Variants in NRP2 observed in about 807,000 individuals in gnomAD.
NRP2 encodes neuropilin 2.
Under a neutral mutation model 110.4 loss-of-function variants are expected in NRP2, and 52 were observed. The observed-to-expected ratio is 0.47, with a 90% CI of 0.38 to 0.59. NRP2 has a LOEUF of 0.59. Ranked by LOEUF, NRP2 falls within the 20% of genes least tolerant of loss-of-function variation. NRP2 has a pLI of 0.00. For synonymous variants in NRP2, 508 were observed against 468.9 expected (o/e 1.08, Z -1.08); for missense variants, 1,049 against 1,203.0 (o/e 0.87, Z 1.89).
chr2:205,684,485 C>T (rs975600635), intron 1 of NRP2, among the ~76,000 whole-genome samples: 3 of 152,218 alleles, frequency 2.0e-5, no homozygotes, highest in African/African-American at 7.2e-5. Context: ...AACTCTGCAG[C>T]CTCCTTGGCA....
At chr2:205,690,781 AAAAATAAAAT>A (rs969350217) in intron 1 of NRP2, among the ~76,000 whole-genome samples, 2 of 152,124 alleles carry the variant, frequency 1.3e-5, no homozygotes, top group African/African-American at 4.8e-5. Context: ...CTCTGTCTCA[AAAAATAAAAT>A]AAAATAAAAT....
chr2:205,738,375 C>T (rs895100253), intron 7 of NRP2, among the ~76,000 whole-genome samples: 10 of 152,180 alleles, frequency 6.6e-5, no homozygotes, highest in African/African-American at 1.9e-4. Flanking sequence ...TTTGCTTCTT[C>T]CTTTCCAAAA....
intron 15 of NRP2, chr2:205,779,273 ATAT>A (rs1165827247): frequency 5.9e-5 from 9 of 152,240 alleles, no homozygotes; most frequent in African/African-American, 2.2e-4. Context: ...CCCTTCCATG[ATAT>A]TATGCTAGCA....
At chr2:205,726,115 G>A (rs1575591987) in intron 6 of NRP2, 33 bp downstream of exon 6, 2 of 1,611,346 alleles carry the variant, frequency 1.2e-6, no homozygotes, top group Admixed American at 1.7e-5. Context: ...ATGTGAGAGT[G>A]TGTATGTATT....
At position 205,702,176 on chromosome 2, in the gene NRP2, C is replaced by G. The variant is rs555287696; in HGVS notation, c.251+4455C>G. ...TTGGGACTATTTTCTATCAATCCTC[C>G]TGCTTTCACACATCCTGTTACGAGT... On this transcript the variant is annotated intron_variant, in intron 2 of 16. Coordinates refer to ENST00000357785, the MANE Select transcript of NRP2 (RefSeq NM_003872.3). 3.3e-5 allele frequency among the ~76,000 whole-genome samples: 5 copies of G among 152,264 alleles called. No individual in the cohort carries two copies. The South Asian group carries it at 1.0e-3, about 32-fold the overall frequency.
At chr2:205,732,873 C>CT (rs1030895717) in intron 7 of NRP2, among the ~76,000 whole-genome samples, 5 of 151,502 alleles carry the variant, frequency 3.3e-5, no homozygotes, top group East Asian at 1.9e-4. Flanking sequence ...CAGGAAAAAC[C>CT]TTTTTTTTAA....
rs763043873 is a variant in NRP2 at position 205,796,730 on chromosome 2, G to C, written c.*1672G>C. On this transcript the variant is annotated 3_prime_UTR_variant, in exon 17 of 17. Transcript: ENST00000357785. ...TAGAATGAAACTGTGTGAAGGATAA[G>C]ATTGTTCGCATCAAGATCCAAATCT... 3 of 152,622 alleles carry C rather than the reference G, an allele frequency of 2.0e-5. No individual in the cohort carries two copies. The highest frequency in any genetic ancestry group is 4.4e-5 in the Non-Finnish European group (3 of 68,028). 9.5% of individuals were successfully genotyped at this position (152,622 alleles called of 1,614,324 possible).
At chr2:205,724,654 CT>C (rs35094496) in intron 5 of NRP2, among the ~76,000 whole-genome samples, 953 of 80,308 alleles carry the variant, frequency 0.012, 3 homozygotes, top group Admixed American at 0.03. Context: ...CAAACGATAA[CT>C]TTTTTTTTTT....
intron 15 of NRP2, among the ~76,000 whole-genome samples, chr2:205,781,100 G>A (rs543808867): frequency 1.8e-4 from 28 of 152,294 alleles, no homozygotes; most frequent in Non-Finnish European, 3.1e-4. Flanking sequence ...CAAACTTGCC[G>A]GACTGAACTA....
In NRP2 at chr2:205,690,579, TACACACACACACACACACAC is replaced by T. The variant is rs10591632; in HGVS notation, c.74-6933_74-6914del. ...AGCAAGACCCCATCCCTGCTAAAAA[TACACACACACACACACACAC>T]ACACACACACACACACACACACACA... On this transcript the variant is annotated intron_variant, in intron 1 of 16. Coordinates refer to ENST00000357785, the MANE Select transcript of NRP2 (RefSeq NM_003872.3). 3.2e-3 allele frequency among the ~76,000 whole-genome samples: 393 copies of T among 124,276 alleles called. 2 individuals are homozygous for T. Among genetic ancestry groups the T allele is most frequent in the African/African-American group, 0.011 (351 of 32,454 alleles). 81.5% of individuals were successfully genotyped at this position (124,276 alleles called of 152,430 possible).
chr2:205,735,845 A>G (rs2057332750), intron 7 of NRP2, among the ~76,000 whole-genome samples: 1 of 152,206 alleles, frequency 6.6e-6, no homozygotes, highest in Non-Finnish European at 1.5e-5. Context: ...TGTGCCCTGA[A>G]TCGCTTTTTA....
chr2:205,693,889 C>T (rs897953194), intron 1 of NRP2, among the ~76,000 whole-genome samples: 2 of 152,248 alleles, frequency 1.3e-5, no homozygotes. Context: ...TTATCTGCTA[C>T]AGTCAGGCTT....
intron 2 of NRP2, among the ~76,000 whole-genome samples, chr2:205,706,058 C>T (rs1187376596): frequency 6.6e-6 from 1 of 152,026 alleles, no homozygotes; most frequent in Non-Finnish European, 1.5e-5. Context: ...CTACCTCCTA[C>T]TCCCCCAATC....
intron 1 of NRP2, among the ~76,000 whole-genome samples, chr2:205,690,807 G>A (rs1000463891): frequency 6.6e-6 from 1 of 151,758 alleles, no homozygotes; most frequent in African/African-American, 2.4e-5. Flanking sequence ...AAAATAAAAT[G>A]TGAATGTGCT....
Position 205,697,721 on chromosome 2 carries a change from A to G in NRP2, c.251A>G (p.Lys84Arg). 1 of 1,613,962 alleles carries G rather than the reference A, an allele frequency of 6.2e-7. No homozygotes were observed. Residue 84 changes from lysine (K) to arginine (R), a missense_variant and splice_region_variant, in exon 2 of 17, where the codon AAG becomes AGG. Transcript: ENST00000357785. Reference protein sequence around the residue: ...PHFEIEKHDCKYDFIEIRDGD... With the variant: ...PHFEIEKHDCRYDFIEIRDGD... ...TTTGAAATCGAGAAGCACGACTGCAAGTAAGCACCGTCCTGTCCCACTGTG... is the reference window on the plus strand; with the variant it reads ...TTTGAAATCGAGAAGCACGACTGCAGGTAAGCACCGTCCTGTCCCACTGTG...
At chr2:205,776,334 CG>C in intron 15 of NRP2, 3 of 1,612,960 alleles carry the variant, frequency 1.9e-6, no homozygotes. Context: ...TAATGGCCGC[CG>C]GGGGCGCCGT....
chr2:205,743,084 A>G, intron 8 of NRP2, 119 bp from the exon 9 acceptor site: 1 of 1,584,556 alleles, frequency 6.3e-7, no homozygotes, highest in Non-Finnish European at 8.5e-7. Context: ...ATGCAAAGAA[A>G]TTAGTGCTGA....
intron 7 of NRP2, among the ~76,000 whole-genome samples, chr2:205,738,721 G>A (rs541203544): frequency 2.6e-5 from 4 of 152,236 alleles, no homozygotes; most frequent in African/African-American, 4.8e-5. Context: ...GTTCTTTCCC[G>A]GTGCTCCCTG....
intron 2 of NRP2, among the ~76,000 whole-genome samples, chr2:205,704,731 T>C (rs80120174): frequency 0.011 from 1,724 of 152,380 alleles, 15 homozygotes; most frequent in Non-Finnish European, 0.018. Context: ...AATGCAAGCT[T>C]CGCTGTAGAT....
Sources: allele counts gnomAD v4.1 joint callset (sites outside exome capture counted in the v4.1 genomes callset), GRCh38; gene constraint gnomAD v4.1.1; transcripts MANE v1.5; gene names NCBI Gene and HGNC (gene_info 2026-07-23, HGNC 2026-07-21).